NMNAT3: variants seen among roughly 807,000 people sequenced by gnomAD.
The protein encoded by NMNAT3 is nicotinamide/nicotinic acid mononucleotide adenylyltransferase 3.
Under a neutral mutation model 24.8 loss-of-function variants are expected in NMNAT3, and 21 were observed. That is an observed-to-expected ratio of 0.85 (90% CI 0.60 to 1.22). The LOEUF (loss-of-function observed/expected upper bound fraction) is 1.22. Among genes scored for constraint, NMNAT3 ranks in the 50% most tolerant of loss-of-function variants. The probability of loss-of-function intolerance (pLI) is 0.00; values close to 1 mark genes in which losing one functional copy is unlikely to be tolerated. For synonymous variants in NMNAT3, 136 were observed against 155.2 expected, an observed-to-expected ratio of 0.88 and a Z score of 0.92; for missense variants, 387 against 436.6, an observed-to-expected ratio of 0.89 and a Z score of 1.01.
chr3:139,636,271 A>G (rs1209637262), intron 2 of NMNAT3: 1 of 152,190 alleles, frequency 6.6e-6, no homozygotes, highest in African/African-American at 2.4e-5. Context: ...TGTCCCAGTT[A>G]AGTCTATTTT....
At chr3:139,609,507 A>G (rs748186200) in intron 3 of NMNAT3, among the ~76,000 whole-genome samples, 10 of 152,078 alleles carry the variant, frequency 6.6e-5, no homozygotes, top group Non-Finnish European at 1.0e-4. Context: ...ATATTTTCTC[A>G]TGTGCTTATC....
intron 3 of NMNAT3, among the ~76,000 whole-genome samples, chr3:139,591,240 C>A (rs967791855): frequency 6.6e-6 from 1 of 151,532 alleles, no homozygotes; most frequent in Non-Finnish European, 1.5e-5. Context: ...CACTCCCACC[C>A]GAATATTGCG....
At chr3:139,636,499 T>C (rs1055910417) in intron 2 of NMNAT3, 3 of 152,216 alleles carry the variant, frequency 2.0e-5, no homozygotes, top group African/African-American at 7.2e-5. Context: ...ACAGATTCAT[T>C]ATGGCTCGTT....
chr3:139,629,588 C>T (rs1217520617), intron 2 of NMNAT3, among the ~76,000 whole-genome samples: 4 of 152,196 alleles, frequency 2.6e-5, no homozygotes, highest in African/African-American at 9.7e-5. Context: ...ATGGTCTTAG[C>T]TGTAATCCTG....
At chr3:139,591,388 G>C (rs1000552465) in intron 3 of NMNAT3, among the ~76,000 whole-genome samples, 53 of 152,128 alleles carry the variant, frequency 3.5e-4, no homozygotes, top group Non-Finnish European at 3.5e-4. Flanking sequence ...AACGAGGCTC[G>C]GGAAGGGGCG....
chr3:139,596,942 A>G (rs201064080), intron 3 of NMNAT3, among the ~76,000 whole-genome samples: 10,997 of 127,550 alleles, frequency 0.086, 1,564 homozygotes, highest in East Asian at 0.41. Context: ...ATATATATAT[A>G]TATATATATA....
intron 3 of NMNAT3, chr3:139,599,616 G>A: frequency 1.8e-6 from 1 of 562,664 alleles, no homozygotes; most frequent in South Asian, 2.6e-5. Context: ...AGACTGTTGT[G>A]ATTAAACCTC....
At chr3:139,631,346 G>T (rs1165266073) in intron 2 of NMNAT3, among the ~76,000 whole-genome samples, 1 of 152,074 alleles carries the variant, frequency 6.6e-6, no homozygotes, top group Admixed American at 6.6e-5. Flanking sequence ...ATCACTCCAG[G>T]GATCCACCAG....
At chr3:139,612,764 T>C (rs1447958683) in intron 3 of NMNAT3, among the ~76,000 whole-genome samples, 2 of 152,132 alleles carry the variant, frequency 1.3e-5, no homozygotes, top group African/African-American at 4.8e-5. Context: ...CAAAACAGCA[T>C]GGTACTGGTA....
At chr3:139,645,251 T>C (rs2056833007) in intron 1 of NMNAT3, among the ~76,000 whole-genome samples, 1 of 151,992 alleles carries the variant, frequency 6.6e-6, no homozygotes, top group Admixed American at 6.6e-5. Context: ...AGTTGGAGAA[T>C]GATGGGAAGG....
In NMNAT3 at chr3:139,644,399, T is replaced by A. The variant is rs190592762; in HGVS notation, c.-140-6337A>T. Among the ~76,000 whole-genome samples the A allele has an allele frequency of 2.0e-5, 3 of 152,244 alleles. No homozygotes were observed. The East Asian group carries it at 5.8e-4, about 29-fold the overall frequency. ...AACAACTTTAAATCTAGACCATCAT[T>A]TAAGTACAGGAATAGAATAAATACA... On this transcript the variant is annotated intron_variant, in intron 1 of 6. Transcript: ENST00000643695.
chr3:139,620,855 G>A, intron 3 of NMNAT3, among the ~76,000 whole-genome samples: 1 of 152,204 alleles, frequency 6.6e-6, no homozygotes, highest in East Asian at 1.9e-4. Context: ...GTGCAGTGGT[G>A]CAATCATAGC....
chr3:139,630,524 G>A (rs1408314852), intron 2 of NMNAT3, among the ~76,000 whole-genome samples: 1 of 152,174 alleles, frequency 6.6e-6, no homozygotes, highest in Admixed American at 6.5e-5. Flanking sequence ...CTATCCACTG[G>A]ACAGTAAACC....
intron 3 of NMNAT3, among the ~76,000 whole-genome samples, chr3:139,595,804 A>G (rs2054426902): frequency 6.6e-6 from 1 of 152,248 alleles, no homozygotes; most frequent in East Asian, 1.9e-4. Context: ...TTATACAAAT[A>G]TCAATTCAAG....
At chr3:139,660,076 C>CTAAG (rs1265464942) in intron 1 of NMNAT3, among the ~76,000 whole-genome samples, 16 of 152,312 alleles carry the variant, frequency 1.1e-4, no homozygotes, top group Admixed American at 9.8e-4. Context: ...CCTCCCAAGA[C>CTAAG]TAAGGTCTCC....
intron 6 of NMNAT3, among the ~76,000 whole-genome samples, chr3:139,561,889 T>C (rs1936453622): frequency 6.6e-6 from 1 of 152,220 alleles, no homozygotes; most frequent in Admixed American, 6.5e-5. Flanking sequence ...TAAAGATTAA[T>C]TATAAAGGCT....
At chr3:139,630,658 T>C (rs763787425) in intron 2 of NMNAT3, among the ~76,000 whole-genome samples, 11 of 152,206 alleles carry the variant, frequency 7.2e-5, no homozygotes, top group Non-Finnish European at 1.5e-4. Context: ...GCATGTACTC[T>C]GAGCTACAGT....
intron 2 of NMNAT3, among the ~76,000 whole-genome samples, chr3:139,632,193 T>C (rs902318060): frequency 5.3e-5 from 8 of 152,172 alleles, no homozygotes; most frequent in African/African-American, 2.4e-5. Context: ...TTTTGTCAGA[T>C]GTCTACCTCC....
intron 6 of NMNAT3, among the ~76,000 whole-genome samples, chr3:139,565,224 C>T (rs1936993321): frequency 6.6e-6 from 1 of 152,186 alleles, no homozygotes; most frequent in Non-Finnish European, 1.5e-5. Context: ...CATCTTTCTG[C>T]ATAAATCTTT....
Sources: gnomAD v4.1 joint callset for allele counts (sites outside exome capture counted in the v4.1 genomes callset) on GRCh38, gnomAD v4.1.1 for gene constraint, MANE v1.5 for transcripts, NCBI Gene and HGNC (gene_info 2026-07-23, HGNC 2026-07-21) for gene names.